PALLD: variants seen among roughly 807,000 people sequenced by gnomAD.
PALLD encodes palladin, cytoskeletal associated protein, also known as palladin.
PALLD carries 61 observed loss-of-function variants against 123.5 expected under a neutral mutation model. The observed-to-expected ratio is 0.49, with a 90% CI of 0.40 to 0.61. PALLD has a LOEUF of 0.61. Among genes scored for constraint, PALLD ranks in the 20% least tolerant of loss-of-function variants. The pLI is 0.00. For missense variants in PALLD, 1,273 were observed against 1,377.0 expected (o/e 0.92, Z 1.20); for synonymous variants, 465 against 496.4 (o/e 0.94, Z 0.84).
chr4:168,860,584 A>C (rs1318162279), intron 10 of PALLD, among the ~76,000 whole-genome samples: 1 of 152,170 alleles, frequency 6.6e-6, no homozygotes, highest in Non-Finnish European at 1.5e-5. Flanking sequence ...GCACTCTGGG[A>C]GGCCGAGGTG....
At chr4:168,837,764 T>C (rs1000918418) in intron 10 of PALLD, among the ~76,000 whole-genome samples, 1 of 152,192 alleles carries the variant, frequency 6.6e-6, no homozygotes, top group Admixed American at 6.5e-5. Flanking sequence ...ATTCAACAAA[T>C]ATTTTTGGAG....
chr4:168,526,567 T>A (rs906732126), intron 2 of PALLD, among the ~76,000 whole-genome samples: 1 of 152,076 alleles, frequency 6.6e-6, no homozygotes, highest in Non-Finnish European at 1.5e-5. Flanking sequence ...TTCCAGGAGG[T>A]CTTCGTATCC....
chr4:168,635,950 G>A (rs564625866), intron 2 of PALLD, among the ~76,000 whole-genome samples: 2 of 152,288 alleles, frequency 1.3e-5, no homozygotes, highest in South Asian at 4.1e-4. Context: ...TGAGGATCCT[G>A]GTTTTGCCAC....
rs147818559 is a variant in PALLD at position 168,652,115 on chromosome 4, C to T, written c.909-16075C>T. On this transcript the variant is annotated intron_variant, in intron 2 of 21. Coordinates refer to ENST00000505667, the MANE Select transcript of PALLD (RefSeq NM_001166108.2). ...AGCGTCACATACCGCGTGACCATGG[C>T]AGAGAGTTCCTTGAGCAGTGAAAAG... 2.4e-3 allele frequency among the ~76,000 whole-genome samples: 372 copies of T among 152,216 alleles called. 5 individuals are homozygous for T. The highest frequency in any genetic ancestry group is 8.2e-3 in the African/African-American group (339 of 41,540).
chr4:168,645,739 G>A (rs766267121), intron 2 of PALLD, among the ~76,000 whole-genome samples: 5 of 152,120 alleles, frequency 3.3e-5, no homozygotes, highest in Admixed American at 6.6e-5. Flanking sequence ...GTGACCTCTT[G>A]TAAGCTTATT....
intron 11 of PALLD, among the ~76,000 whole-genome samples, chr4:168,891,978 A>G (rs1197362009): frequency 1.3e-5 from 2 of 152,210 alleles, no homozygotes; most frequent in African/African-American, 4.8e-5. Context: ...TTAGAGCAAG[A>G]TAACTAAACT....
intron 2 of PALLD, among the ~76,000 whole-genome samples, chr4:168,660,522 A>T (rs1779024453): frequency 6.6e-6 from 1 of 152,192 alleles, no homozygotes; most frequent in Non-Finnish European, 1.5e-5. Context: ...TTTTGGCACC[A>T]TCTAATTTTT....
chr4:168,782,929 C>A (rs72701848), intron 10 of PALLD, among the ~76,000 whole-genome samples: 22,654 of 150,400 alleles, frequency 0.15, 2,101 homozygotes, highest in Non-Finnish European at 0.21. Flanking sequence ...TAAAAAACAA[C>A]AAAAAAAAAC....
chr4:168,711,703 T>A lies in PALLD; in HGVS notation c.1744T>A (p.Ser582Thr), dbSNP rs749527043. 6.2e-7 allele frequency: 1 copy of A among 1,613,994 alleles called. No individual in the cohort carries two copies. The highest frequency in any genetic ancestry group is 1.7e-5 in the Admixed American group (1 of 60,022). ...SSLELASKKP[S>T]EIQQVNNPEL... ...CTTGGAGTTGGCTTCAAAGAAACCA[T>A]CTGAGATCCAGCAGGTGAACAACCC... The change falls in exon 10 of 22, where the codon TCT becomes ACT. Residue 582 changes from serine (S) to threonine (T), a missense_variant. Transcript: ENST00000505667.
Position 168,584,108 on chromosome 4 carries a change from C to T in PALLD, c.908+71696C>T, listed in dbSNP as rs190733444. ...AATATCAGATTCTATCCCTATCCCA[C>T]TTTTATTTTGTCCCATTCCAATGTG... On this transcript the variant is annotated intron_variant, in intron 2 of 21. Transcript: ENST00000505667. Among the ~76,000 whole-genome samples, 295 of 152,236 alleles carry T rather than the reference C, an allele frequency of 1.9e-3. 1 individual carries two copies. The highest frequency in any genetic ancestry group is 3.1e-3 in the Non-Finnish European group (208 of 68,024).
intron 2 of PALLD, among the ~76,000 whole-genome samples, chr4:168,540,559 AT>A (rs1765515098): frequency 6.6e-6 from 1 of 152,190 alleles, no homozygotes; most frequent in East Asian, 1.9e-4. Context: ...AAAAAAAATT[AT>A]TTTAAATGAG....
At chr4:168,853,657 C>T (rs1748139136) in intron 10 of PALLD, among the ~76,000 whole-genome samples, 2 of 151,956 alleles carry the variant, frequency 1.3e-5, no homozygotes, top group African/African-American at 2.4e-5. Flanking sequence ...AGGGCTGAGA[C>T]TCTGAGAATG....
At chr4:168,623,408 C>A (rs1255699665) in intron 2 of PALLD, among the ~76,000 whole-genome samples, 1 of 152,202 alleles carries the variant, frequency 6.6e-6, no homozygotes, top group Non-Finnish European at 1.5e-5. Flanking sequence ...CATGAAATAT[C>A]ACTTTAATGC....
chr4:168,568,860 T>C (rs1768679602), intron 2 of PALLD, among the ~76,000 whole-genome samples: 1 of 151,812 alleles, frequency 6.6e-6, no homozygotes, highest in Admixed American at 6.6e-5. Flanking sequence ...TTAAATATAT[T>C]GTAATTGGTT....
At chr4:168,677,455 G>A (rs1325580996) in intron 3 of PALLD, among the ~76,000 whole-genome samples, 1 of 152,142 alleles carries the variant, frequency 6.6e-6, no homozygotes, top group Non-Finnish European at 1.5e-5. Flanking sequence ...TTGAAAATCA[G>A]CTGGAAAAAA....
At chr4:168,713,151 GCT>G (rs1329673036) in intron 10 of PALLD, among the ~76,000 whole-genome samples, 1 of 152,090 alleles carries the variant, frequency 6.6e-6, no homozygotes, top group Non-Finnish European at 1.5e-5. Flanking sequence ...TTGTGTTCTG[GCT>G]CTCTTTTAAG....
At chr4:168,747,496 T>A (rs1221018975) in intron 10 of PALLD, among the ~76,000 whole-genome samples, 1 of 152,230 alleles carries the variant, frequency 6.6e-6, no homozygotes, top group Non-Finnish European at 1.5e-5. Flanking sequence ...GAGTTAAAAC[T>A]TCAGACACAT....
intron 8 of PALLD, among the ~76,000 whole-genome samples, chr4:168,698,591 C>T (rs1783380807): frequency 6.6e-6 from 1 of 151,952 alleles, no homozygotes; most frequent in African/African-American, 2.4e-5. Flanking sequence ...CTGCTGGATG[C>T]CCACATGAGG....
intron 10 of PALLD, among the ~76,000 whole-genome samples, chr4:168,866,242 G>C (rs566470276): frequency 1.3e-5 from 2 of 152,164 alleles, no homozygotes; most frequent in Non-Finnish European, 2.9e-5. Flanking sequence ...TCCAGCCTGG[G>C]TGACAGAGCA....
Sources: allele counts gnomAD v4.1 joint callset (sites outside exome capture counted in the v4.1 genomes callset), GRCh38; gene constraint gnomAD v4.1.1; transcripts MANE v1.5; gene names NCBI Gene and HGNC (gene_info 2026-07-23, HGNC 2026-07-21).